Variants in DPH6 observed in about 807,000 individuals in gnomAD.
The protein encoded by DPH6 is diphthine--ammonia ligase.
Under a neutral mutation model 38.2 loss-of-function variants are expected in DPH6, and 33 were observed. The ratio of observed to expected loss-of-function variants is 0.86; its 90% CI spans 0.65 to 1.15. DPH6 has a LOEUF of 1.15. DPH6 is among the 50% of genes most tolerant of loss of function. The probability of loss-of-function intolerance (pLI) is 0.00; values close to 1 mark genes in which losing one functional copy is unlikely to be tolerated. For missense variants in DPH6, 325 were observed against 320.0 expected, an observed-to-expected ratio of 1.02 and a Z score of -0.12; for synonymous variants, 108 against 103.0, an observed-to-expected ratio of 1.05 and a Z score of -0.30.
chr15:35,240,763 T>C (rs2051592228), intron 3 of DPH6, among the ~76,000 whole-genome samples: 1 of 143,894 alleles, frequency 6.9e-6, no homozygotes, highest in Non-Finnish European at 1.5e-5. Context: ...CCCTAGACCC[T>C]AAAAGGTCAA....
chr15:35,359,516 G>A (rs1011746048), intron 3 of DPH6, among the ~76,000 whole-genome samples: 3 of 152,204 alleles, frequency 2.0e-5, no homozygotes, highest in Non-Finnish European at 4.4e-5. Flanking sequence ...GGAATGGCCT[G>A]CTAGAGGACC....
At chr15:35,447,833 T>C (rs999658563) in intron 5 of DPH6, among the ~76,000 whole-genome samples, 2 of 152,090 alleles carry the variant, frequency 1.3e-5, no homozygotes, top group Non-Finnish European at 1.5e-5. Flanking sequence ...GGGAAAGATA[T>C]ATAGTTGTGT....
chr15:35,291,070 C>T (rs1200317165), intron 3 of DPH6, among the ~76,000 whole-genome samples: 1 of 151,918 alleles, frequency 6.6e-6, no homozygotes, highest in Non-Finnish European at 1.5e-5. Flanking sequence ...GAAAAATCAC[C>T]CACTGCCATT....
the DPH6 span, among the ~76,000 whole-genome samples, chr15:35,162,879 A>T: frequency 6.6e-6 from 1 of 152,054 alleles, no homozygotes; most frequent in South Asian, 2.1e-4. Context: ...GATTTCAAAA[A>T]TGTGTTCTCC....
At chr15:35,278,278 G>A (rs987526180) in intron 3 of DPH6, among the ~76,000 whole-genome samples, 1 of 152,230 alleles carries the variant, frequency 6.6e-6, no homozygotes, top group Non-Finnish European at 1.5e-5. Context: ...AAAGGCCCCA[G>A]GTACAGCTCT....
the DPH6 span, among the ~76,000 whole-genome samples, chr15:35,160,161 G>C: frequency 6.6e-6 from 1 of 151,832 alleles, no homozygotes; most frequent in South Asian, 2.1e-4. Context: ...CAGCAAATAT[G>C]CACATGCATC....
exon 4 of DPH6, chr15:35,220,134 A>G (rs2051433205): frequency 6.6e-6 from 1 of 152,310 alleles, no homozygotes; most frequent in East Asian, 1.9e-4. Context: ...ATTTTACTAT[A>G]CTTGTGATAT....
intron 3 of DPH6, among the ~76,000 whole-genome samples, chr15:35,365,109 T>A (rs1275138052): frequency 3.9e-5 from 6 of 151,988 alleles, no homozygotes; most frequent in Non-Finnish European, 7.4e-5. Flanking sequence ...ACAACTAACA[T>A]CTGCCAATGT....
intron 6 of DPH6, among the ~76,000 whole-genome samples, chr15:35,406,182 G>T (rs888527059): frequency 5.3e-5 from 8 of 152,118 alleles, no homozygotes; most frequent in African/African-American, 1.9e-4. Flanking sequence ...TTTAAAGAGA[G>T]ATTTAGCTGA....
At chr15:35,339,753 T>G (rs1251150084) in intron 3 of DPH6, among the ~76,000 whole-genome samples, 1 of 152,182 alleles carries the variant, frequency 6.6e-6, no homozygotes, top group Non-Finnish European at 1.5e-5. Context: ...GAGAGACTGT[T>G]TTTTATGACT....
At chr15:35,197,946 T>C in the DPH6 span, among the ~76,000 whole-genome samples, 1 of 152,178 alleles carries the variant, frequency 6.6e-6, no homozygotes, top group African/African-American at 2.4e-5. Context: ...ACTGGTTGCA[T>C]TTCCCTTTTT....
chr15:35,412,599 G>A (rs1360288817), intron 5 of DPH6, among the ~76,000 whole-genome samples: 2 of 151,776 alleles, frequency 1.3e-5, no homozygotes, highest in Admixed American at 6.6e-5. Context: ...GTAGGTGAAC[G>A]ACTAAGTAAA....
At chr15:35,458,618 GAA>G (rs1246365956) in intron 3 of DPH6, among the ~76,000 whole-genome samples, 1 of 151,918 alleles carries the variant, frequency 6.6e-6, no homozygotes, top group Non-Finnish European at 1.5e-5. Context: ...TGTCAGCAGA[GAA>G]AAAAAGAGAA....
chr15:35,472,905 A>T (rs1396127132), intron 3 of DPH6, among the ~76,000 whole-genome samples: 4 of 83,176 alleles, frequency 4.8e-5, no homozygotes, highest in East Asian at 3.3e-4. Context: ...AGATGTAGTT[A>T]AAAAAAAAAA....
rs143797777 is a variant in DPH6 at position 35,513,295 on chromosome 15, A to C, written c.312+24979T>G. Among the ~76,000 whole-genome samples, 58 of 152,180 alleles carry C rather than the reference A, an allele frequency of 3.8e-4. No individual in the cohort carries two copies. In the East Asian group the frequency reaches 0.011, roughly 29 times the overall value. On this transcript the variant is annotated intron_variant, in intron 3 of 8. Coordinates refer to ENST00000256538, the MANE Select transcript of DPH6 (RefSeq NM_080650.4). ...TTCTAAGTATCAAAGAAAATTAACA[A>C]AGAATTTAGACTATAAAAAACAAGG...
At chr15:35,196,929 T>C in the DPH6 span, among the ~76,000 whole-genome samples, 1 of 152,198 alleles carries the variant, frequency 6.6e-6, no homozygotes, top group Non-Finnish European at 1.5e-5. Context: ...CTTGAATAAA[T>C]TATATATTAT....
chr15:35,166,583 T>C, the DPH6 span, among the ~76,000 whole-genome samples: 6 of 151,954 alleles, frequency 3.9e-5, no homozygotes, highest in Non-Finnish European at 7.4e-5. Context: ...ACATGAACCA[T>C]AGAAGTATAA....
rs987229465 is a variant in DPH6, at chr15:35,520,235, A to C, written c.312+18039T>G. 4.9e-6 allele frequency: 4 copies of C among 817,168 alleles called. 1 individual carries two copies. Among genetic ancestry groups the C allele is most frequent in the East Asian group, 1.3e-4 (1 of 7,926 alleles). The allele number at this position is 817,168 out of a possible 1,614,324, so 50.6% of individuals were successfully genotyped here. ...AAACATGCTACAAAAAAAAACAAAAAAAAAACAAAAGAAGAAGAATCAAAA... is the reference window on the plus strand; with the variant it reads ...AAACATGCTACAAAAAAAAACAAAACAAAAACAAAAGAAGAAGAATCAAAA... On this transcript the variant is annotated intron_variant, in intron 3 of 8. Transcript: ENST00000256538.
chr15:35,405,153 A>G (rs916153236), intron 6 of DPH6, among the ~76,000 whole-genome samples: 8 of 152,010 alleles, frequency 5.3e-5, no homozygotes, highest in Non-Finnish European at 8.8e-5. Context: ...GAAGTCAGGT[A>G]ATGCAATCCC....
Sources: allele counts gnomAD v4.1 joint callset (sites outside exome capture counted in the v4.1 genomes callset), GRCh38; gene constraint gnomAD v4.1.1; transcripts MANE v1.5; gene names NCBI Gene and HGNC (gene_info 2026-07-23, HGNC 2026-07-21).